CEP112: variants seen among roughly 807,000 people sequenced by gnomAD.
CEP112 encodes centrosomal protein of 112 kDa.
In CEP112, 127 loss-of-function variants were observed where a neutral mutation model predicts 153.0. The observed-to-expected ratio is 0.83, with a 90% CI of 0.72 to 0.96. The LOEUF (loss-of-function observed/expected upper bound fraction) is 0.96, where lower values mean the gene tolerates loss of function less well. CEP112 is among the 40% of genes least tolerant of loss of function. CEP112 has a pLI of 0.00. For synonymous variants in CEP112, 358 were observed against 374.4 expected, an observed-to-expected ratio of 0.96 and a Z score of 0.51; for missense variants, 1,089 against 1,101.2, an observed-to-expected ratio of 0.99 and a Z score of 0.16.
At chr17:66,174,671 A>C (rs2072394565) in intron 4 of CEP112, among the ~76,000 whole-genome samples, 1 of 152,222 alleles carries the variant, frequency 6.6e-6, no homozygotes, top group Non-Finnish European at 1.5e-5. Context: ...TCTAGTAAGA[A>C]AGCACAGTCT....
At chr17:65,996,154 G>A in intron 17 of CEP112, among the ~76,000 whole-genome samples, 1 of 151,828 alleles carries the variant, frequency 6.6e-6, no homozygotes, top group East Asian at 1.9e-4. Context: ...GTGTGTGTGT[G>A]TGTGTGTGTG....
At chr17:65,999,197 C>CTTT (rs34483996) in intron 17 of CEP112, among the ~76,000 whole-genome samples, 2 of 132,048 alleles carry the variant, frequency 1.5e-5, no homozygotes, top group Admixed American at 8.0e-5. Context: ...TTACTAAATT[C>CTTT]TTTTTTTTTT....
intron 24 of CEP112, among the ~76,000 whole-genome samples, chr17:65,662,832 A>G (rs1023126063): frequency 1.3e-5 from 2 of 152,194 alleles, no homozygotes; most frequent in African/African-American, 2.4e-5. Context: ...AACTTCATCT[A>G]TAAGTGAAAA....
intron 18 of CEP112, among the ~76,000 whole-genome samples, chr17:65,952,516 C>G (rs2061869507): frequency 6.6e-6 from 1 of 152,032 alleles, no homozygotes; most frequent in African/African-American, 2.4e-5. Flanking sequence ...CTTTCACCTT[C>G]TGAGGAATAT....
At chr17:65,926,117 C>A (rs1034292156) in intron 19 of CEP112, among the ~76,000 whole-genome samples, 1 of 152,114 alleles carries the variant, frequency 6.6e-6, no homozygotes, top group African/African-American at 2.4e-5. Flanking sequence ...CCGGTCCTAA[C>A]CTCCCTCTTT....
chr17:65,719,668 C>A (rs1055091712), intron 23 of CEP112, among the ~76,000 whole-genome samples: 3 of 152,056 alleles, frequency 2.0e-5, no homozygotes, highest in Non-Finnish European at 4.4e-5. Flanking sequence ...CAAGATGGGA[C>A]CTGTAGGAAG....
At chr17:65,856,500 T>G (rs1215549025) in intron 20 of CEP112, among the ~76,000 whole-genome samples, 1 of 152,244 alleles carries the variant, frequency 6.6e-6, no homozygotes, top group African/African-American at 2.4e-5. Context: ...TATTAATTTG[T>G]TATTGTGCGT....
At chr17:65,898,092 T>C (rs969136318) in intron 20 of CEP112, among the ~76,000 whole-genome samples, 1 of 152,156 alleles carries the variant, frequency 6.6e-6, no homozygotes, top group Non-Finnish European at 1.5e-5. Context: ...GCTTAATTAT[T>C]TTCAGTTATT....
intron 12 of CEP112, among the ~76,000 whole-genome samples, 173 bp from the exon 13 acceptor site, chr17:66,030,196 C>G (rs1183462166): frequency 6.6e-6 from 1 of 152,102 alleles, no homozygotes; most frequent in African/African-American, 2.4e-5. Flanking sequence ...TTTAAAAAAA[C>G]AATGCATACT....
At chr17:66,008,807 C>G (rs2064383976) in intron 16 of CEP112, among the ~76,000 whole-genome samples, 1 of 152,168 alleles carries the variant, frequency 6.6e-6, no homozygotes, top group Non-Finnish European at 1.5e-5. Context: ...CCTCCAGGAC[C>G]TTCCATGTTA....
intron 4 of CEP112, among the ~76,000 whole-genome samples, chr17:66,154,409 G>A (rs1302519529): frequency 2.0e-5 from 3 of 151,772 alleles, no homozygotes; most frequent in Non-Finnish European, 4.4e-5. Flanking sequence ...CAGCTACTCA[G>A]AAGGCTGAGG....
rs1285369979 is a variant in CEP112, at chr17:65,743,009, C to T, written c.2607+59G>A. 4 of 1,410,152 alleles carry T rather than the reference C, an allele frequency of 2.8e-6. No homozygotes were observed. The African/African-American group carries it at 4.3e-5, about 15-fold the overall frequency. 87.4% of individuals were successfully genotyped at this position (1,410,152 alleles called of 1,614,324 possible). ...ATCTGCCCACTGCTGGGATTTCAGCCCTCCTTTTAATTACATTAAAGCAGC... is the reference window on the plus strand; with the variant it reads ...ATCTGCCCACTGCTGGGATTTCAGCTCTCCTTTTAATTACATTAAAGCAGC... On this transcript the variant is annotated intron_variant, in intron 23 of 26. Coordinates refer to ENST00000535342, the MANE Select transcript of CEP112 (RefSeq NM_001199165.4).
chr17:65,724,476 A>G (rs1302949401), intron 23 of CEP112, among the ~76,000 whole-genome samples: 4 of 152,236 alleles, frequency 2.6e-5, no homozygotes, highest in African/African-American at 9.6e-5. Flanking sequence ...AAATTGTTCC[A>G]TGATTTATAA....
intron 4 of CEP112, among the ~76,000 whole-genome samples, chr17:66,152,496 T>A (rs1008718134): frequency 1.3e-5 from 2 of 152,202 alleles, no homozygotes; most frequent in African/African-American, 4.8e-5. Context: ...GTTTTAAAAA[T>A]TCTCAGCCTC....
intron 24 of CEP112, among the ~76,000 whole-genome samples, chr17:65,666,335 C>T (rs772388763): frequency 1.2e-4 from 18 of 152,240 alleles, no homozygotes; most frequent in Non-Finnish European, 2.4e-4. Context: ...CTCTGTTTTA[C>T]ATAGTGTAGG....
intron 17 of CEP112, among the ~76,000 whole-genome samples, chr17:65,988,109 C>T (rs1402899571): frequency 6.6e-6 from 1 of 152,172 alleles, no homozygotes; most frequent in Non-Finnish European, 1.5e-5. Flanking sequence ...CGCCTTCCCA[C>T]ACTACTAGGA....
intron 20 of CEP112, among the ~76,000 whole-genome samples, chr17:65,894,208 T>A (rs1456913168): frequency 6.6e-6 from 1 of 152,114 alleles, no homozygotes; most frequent in Non-Finnish European, 1.5e-5. Context: ...TTTCCTTATG[T>A]CAATGGAAAT....
At position 65,797,503 on chromosome 17, in the gene CEP112, T is replaced by C. The variant is rs74004938; in HGVS notation, c.2395-46779A>G. Among the ~76,000 whole-genome samples, 1,027 of 152,346 alleles carry C rather than the reference T, an allele frequency of 6.7e-3. 12 individuals are homozygous for C. Among genetic ancestry groups the C allele is most frequent in the African/African-American group, 0.023 (977 of 41,578 alleles). ...CTGTCATACCTACCTCACTAGCATGTTTGTTTATCCTATCTGCAAATTCAG... is the reference window on the plus strand; with the variant it reads ...CTGTCATACCTACCTCACTAGCATGCTTGTTTATCCTATCTGCAAATTCAG... On this transcript the variant is annotated intron_variant, in intron 21 of 26. Coordinates refer to ENST00000535342, the MANE Select transcript of CEP112 (RefSeq NM_001199165.4).
chr17:66,179,873 G>T (rs1017201596), intron 2 of CEP112, among the ~76,000 whole-genome samples: 1 of 151,724 alleles, frequency 6.6e-6, no homozygotes, highest in African/African-American at 2.4e-5. Context: ...TTGATACCCA[G>T]TTTTTTTTAG....
Sources: allele counts gnomAD v4.1 joint callset (sites outside exome capture counted in the v4.1 genomes callset), GRCh38; gene constraint gnomAD v4.1.1; transcripts MANE v1.5; gene names NCBI Gene and HGNC (gene_info 2026-07-23, HGNC 2026-07-21).